ANK3: variants seen among roughly 807,000 people sequenced by gnomAD.
The protein encoded by ANK3 is ankyrin 3.
In ANK3, 57 loss-of-function variants were observed where a neutral mutation model predicts 370.9. The ratio of observed to expected loss-of-function variants is 0.15; its 90% CI spans 0.12 to 0.19. The LOEUF is 0.19. ANK3 is among the 10% of genes least tolerant of loss of function. The probability of loss-of-function intolerance (pLI) is 1.00; values close to 1 mark genes in which losing one functional copy is unlikely to be tolerated. For missense variants in ANK3, 4,439 were observed against 5,302.1 expected, an observed-to-expected ratio of 0.84 and a Z score of 5.06; for synonymous variants, 1,929 against 1,946.3, an observed-to-expected ratio of 0.99 and a Z score of 0.23.
chr10:60,609,656 C>A (rs2078176425), intron 2 of ANK3, among the ~76,000 whole-genome samples: 1 of 151,894 alleles, frequency 6.6e-6, no homozygotes. Flanking sequence ...TTACACAATG[C>A]AGACTGCTTG....
intron 1 of ANK3, among the ~76,000 whole-genome samples, chr10:60,334,131 C>A (rs898780322): frequency 6.6e-6 from 1 of 152,182 alleles, no homozygotes; most frequent in East Asian, 1.9e-4. Context: ...TACATAGACT[C>A]TTCCACAATG....
intron 1 of ANK3, among the ~76,000 whole-genome samples, chr10:60,360,498 C>T (rs756254837): frequency 7.9e-5 from 12 of 152,088 alleles, no homozygotes; most frequent in African/African-American, 1.2e-4. Flanking sequence ...TGCCTGAGCC[C>T]GGGAGTTTGA....
intron 2 of ANK3, among the ~76,000 whole-genome samples, chr10:60,565,658 C>T (rs2077442729): frequency 6.6e-6 from 1 of 152,200 alleles, no homozygotes; most frequent in Non-Finnish European, 1.5e-5. Context: ...CATAAGCTTA[C>T]ACCAGGCAGC....
At chr10:60,255,249 C>T (rs10994285) in intron 7 of ANK3, among the ~76,000 whole-genome samples, 16,937 of 152,192 alleles carry the variant, frequency 0.11, 1,395 homozygotes, top group East Asian at 0.19. Flanking sequence ...GATGTTTTTA[C>T]ATTCATTGCC....
At chr10:60,296,977 C>T (rs970655064) in intron 1 of ANK3, among the ~76,000 whole-genome samples, 1 of 152,032 alleles carries the variant, frequency 6.6e-6, no homozygotes, top group African/African-American at 2.4e-5. Flanking sequence ...GAGACCTTGT[C>T]TCAAAGAAAT....
chr10:60,614,977 G>T (rs1340567159), intron 2 of ANK3, among the ~76,000 whole-genome samples: 1 of 152,062 alleles, frequency 6.6e-6, no homozygotes, highest in Non-Finnish European at 1.5e-5. Flanking sequence ...GCACAAGTCC[G>T]GGTGACCAGG....
rs201428263 is a variant in ANK3, at chr10:60,075,113, A to C, written c.5768T>G (p.Val1923Gly). The change falls in exon 37 of 44, where the codon GTG becomes GGG. Residue 1923 changes from valine to glycine, a missense_variant. Transcript: ENST00000280772. ...MRMTAILQTDVPEEKPFQPEL... is the reference protein window; with the variant it reads ...MRMTAILQTDGPEEKPFQPEL... ...AGGTTGGAATGGCTTCTCCTCAGGC[A>C]CATCTGTCTGTAGTATTGCGGTCAT... The C allele has an allele frequency of 2.0e-5, 32 of 1,614,082 alleles. No individual in the cohort carries two copies. The Admixed American group carries it at 4.5e-4, about 23-fold the overall frequency.
intron 16 of ANK3, among the ~76,000 whole-genome samples, chr10:60,195,542 T>C (rs973638120): frequency 6.6e-6 from 1 of 152,160 alleles, no homozygotes; most frequent in Non-Finnish European, 1.5e-5. Flanking sequence ...AGGAAGCTTA[T>C]TAAACCAATA....
intron 2 of ANK3, among the ~76,000 whole-genome samples, chr10:60,584,727 T>A (rs1425513105): frequency 6.6e-6 from 1 of 152,244 alleles, no homozygotes; most frequent in Non-Finnish European, 1.5e-5. Context: ...ACATTTCTAC[T>A]GAAGTTCCAA....
At chr10:60,568,282 A>G (rs887375439) in intron 2 of ANK3, among the ~76,000 whole-genome samples, 2 of 152,124 alleles carry the variant, frequency 1.3e-5, no homozygotes. Context: ...AGCCACCCCA[A>G]CCTTTGGCAA....
intron 2 of ANK3, among the ~76,000 whole-genome samples, chr10:60,411,210 G>T (rs1041807235): frequency 6.6e-6 from 1 of 152,190 alleles, no homozygotes; most frequent in African/African-American, 2.4e-5. Flanking sequence ...TAGCAGTTAG[G>T]TTACACTGAC....
chr10:60,587,508 A>T (rs1353545774), intron 2 of ANK3, among the ~76,000 whole-genome samples: 1 of 152,160 alleles, frequency 6.6e-6, no homozygotes, highest in East Asian at 1.9e-4. Flanking sequence ...GAAATGTAAG[A>T]TGAGCCTAGA....
In ANK3 at chr10:60,075,928, A is replaced by C. The variant is rs1564831669; in HGVS notation, c.4953T>G (p.Ile1651Met). 1.2e-6 allele frequency: 2 copies of C among 1,614,110 alleles called. No homozygotes were observed. The highest frequency in any genetic ancestry group is 1.3e-5 in the African/African-American group (1 of 75,052). ...ATGGCAAACTTGAGGAATACATATT[A>C]ATGTTTGATTTGGGGGAGGCAGGGG... ...MTPPASPKSNINMYSSSLPFK... is the reference protein window; with the variant it reads ...MTPPASPKSNMNMYSSSLPFK... The change falls in exon 37 of 44, where the codon ATT (isoleucine) becomes ATG (methionine). Residue 1651 changes from isoleucine to methionine, a missense_variant. Ile to Met is a conservative substitution (Grantham distance 10). This residue lies in a region of ANK3 where 679 missense variants were observed against 791.0 expected (regional missense o/e 0.86). Coordinates refer to ENST00000280772, the MANE Select transcript of ANK3 (RefSeq NM_020987.5).
intron 3 of ANK3, 75 bp downstream of exon 3, chr10:60,278,975 C>T (rs777018514): frequency 6.4e-7 from 1 of 1,557,860 alleles, no homozygotes; most frequent in East Asian, 2.2e-5. Flanking sequence ...GATATGTGCC[C>T]CCATTCTTAC....
At chr10:60,642,942 TAC>T (rs2078656635) in intron 1 of ANK3, among the ~76,000 whole-genome samples, 1 of 152,098 alleles carries the variant, frequency 6.6e-6, no homozygotes, top group Non-Finnish European at 1.5e-5. Context: ...AATTAAAACA[TAC>T]ACACACATAC....
At chr10:60,710,364 T>C (rs1355758460) in intron 1 of ANK3, among the ~76,000 whole-genome samples, 1 of 152,168 alleles carries the variant, frequency 6.6e-6, no homozygotes, top group Non-Finnish European at 1.5e-5. Context: ...TCTTTACAGT[T>C]GTTTACCTTT....
At chr10:60,660,648 A>G (rs1180476668) in intron 1 of ANK3, among the ~76,000 whole-genome samples, 3 of 152,100 alleles carry the variant, frequency 2.0e-5, no homozygotes. Context: ...CAGAAATGCG[A>G]TGGAATAGGG....
chr10:60,222,132 T>C (rs2097070384), intron 8 of ANK3, among the ~76,000 whole-genome samples: 1 of 152,194 alleles, frequency 6.6e-6, no homozygotes, highest in Non-Finnish European at 1.5e-5. Flanking sequence ...ACAGATTCAG[T>C]CTAGCTCTTT....
chr10:60,236,757 T>C (rs536198292), intron 7 of ANK3, among the ~76,000 whole-genome samples: 1 of 152,318 alleles, frequency 6.6e-6, no homozygotes, highest in African/African-American at 2.4e-5. Context: ...AACAAATTTC[T>C]CTTAGTAATG....
Sources: gnomAD v4.1 joint callset for allele counts (sites outside exome capture counted in the v4.1 genomes callset) on GRCh38, gnomAD v4.1.1 for gene constraint, gnomAD v4.1.1 regional missense constraint, MANE v1.5 for transcripts, NCBI Gene and HGNC (gene_info 2026-07-23, HGNC 2026-07-21) for gene names.